The following ATPAF1 variants were observed in gnomAD, a reference collection of about 807,000 sequenced individuals.
The protein encoded by ATPAF1 is homolog of yeast ATP11.
Under a neutral mutation model 43.9 loss-of-function variants are expected in ATPAF1, and 26 were observed. The observed-to-expected ratio is 0.59, with a 90% CI of 0.43 to 0.82. The LOEUF (loss-of-function observed/expected upper bound fraction) is 0.82. Among genes scored for constraint, ATPAF1 ranks in the 40% least tolerant of loss-of-function variants. The pLI, the probability that ATPAF1 is intolerant of heterozygous loss-of-function variation, is 0.00. For missense variants in ATPAF1, 366 were observed against 435.0 expected, an observed-to-expected ratio of 0.84 and a Z score of 1.41; for synonymous variants, 157 against 168.0, an observed-to-expected ratio of 0.93 and a Z score of 0.50.
chr1:46,667,774 C>G (rs1676515691), intron 1 of ATPAF1, among the ~76,000 whole-genome samples: 1 of 152,232 alleles, frequency 6.6e-6, no homozygotes, highest in African/African-American at 2.4e-5. Flanking sequence ...ACAGGTGTCT[C>G]TGAGCTGCCT....
Position 46,668,161 on chromosome 1 carries a change from G to A in ATPAF1, c.162C>T (p.Gly54=). Residue 54 remains glycine (G), a synonymous_variant, in exon 1 of 9, where the codon GGC becomes GGT. Coordinates refer to ENST00000574428, the Ensembl canonical transcript of ATPAF1. The surrounding 1 kb of genome is among the most constrained non-coding windows in gnomAD (Gnocchi z 4.4). ...TGCTGTCGGCGCCCCCCTCGGGCCG[G>A]CCCGAGCCGGGGCGCACTGGGAAGA... 1 of 1,400,562 alleles carries A rather than the reference G, an allele frequency of 7.1e-7. No homozygotes were observed. The highest frequency in any genetic ancestry group is 9.3e-7 in the Non-Finnish European group (1 of 1,077,782). The allele number at this position is 1,400,562 out of a possible 1,614,324, so 86.8% of individuals were successfully genotyped here.
At chr1:46,660,742 C>T (rs1676372315) in intron 2 of ATPAF1, among the ~76,000 whole-genome samples, 1 of 152,118 alleles carries the variant, frequency 6.6e-6, no homozygotes, top group Non-Finnish European at 1.5e-5. Flanking sequence ...ACTATGGATG[C>T]TTTGGAAATC....
intron 8 of ATPAF1, among the ~76,000 whole-genome samples, chr1:46,640,443 C>A (rs796391652): frequency 6.6e-6 from 1 of 152,112 alleles, no homozygotes; most frequent in African/African-American, 2.4e-5. Context: ...AACCTCGTCT[C>A]TACTAAAAAT....
intron 8 of ATPAF1, among the ~76,000 whole-genome samples, chr1:46,637,293 T>A (rs540438206): frequency 6.6e-6 from 1 of 152,146 alleles, no homozygotes; most frequent in African/African-American, 2.4e-5. Flanking sequence ...GACAGGAGGA[T>A]TGCTTGAGAC....
At chr1:46,652,702 C>G (rs1195048111) in intron 5 of ATPAF1, 74 bp from the exon 6 acceptor site, 26 of 1,253,538 alleles carry the variant, frequency 2.1e-5, no homozygotes, top group Non-Finnish European at 2.6e-5. Context: ...TGTAATTCAC[C>G]AAGACTGAAT....
intron 6 of ATPAF1, among the ~76,000 whole-genome samples, chr1:46,649,868 G>A (rs2476156): frequency 0.14 from 21,320 of 152,060 alleles, 3,825 homozygotes; most frequent in East Asian, 0.4. Context: ...TGAGGCTGCA[G>A]TAAGCTATGA....
In ATPAF1 at chr1:46,668,031, C is replaced by A; in HGVS notation, c.266+26G>T. 1 of 1,340,876 alleles carries A rather than the reference C, an allele frequency of 7.5e-7. No homozygotes were observed. Among genetic ancestry groups the A allele is most frequent in the Non-Finnish European group, 9.5e-7 (1 of 1,049,016 alleles). The allele number at this position is 1,340,876 out of a possible 1,614,324, so 83.1% of individuals were successfully genotyped here. A position where few individuals can be genotyped will look rare whatever the true frequency, so the allele number is the denominator to read the frequency against. ...GCCGCCCCTCCTCCCGCCTCCTGCCCGCCTCCAGCCAACCCAGGCCCGCAC... is the reference window on the plus strand; with the variant it reads ...GCCGCCCCTCCTCCCGCCTCCTGCCAGCCTCCAGCCAACCCAGGCCCGCAC... On this transcript the variant is annotated intron_variant, in intron 1 of 8. Coordinates refer to ENST00000574428, the Ensembl canonical transcript of ATPAF1. This position sits in a 1 kb window ranked among gnomAD's most constrained non-coding sequence, Gnocchi z 4.4.
At chr1:46,661,899 T>C (rs989413984) in intron 2 of ATPAF1, among the ~76,000 whole-genome samples, 11 of 150,324 alleles carry the variant, frequency 7.3e-5, no homozygotes, top group Non-Finnish European at 1.6e-4. Flanking sequence ...ATTTCTTTCT[T>C]TTTTTTTTTT....
chr1:46,644,553 T>C (rs1676004404), intron 7 of ATPAF1, among the ~76,000 whole-genome samples: 1 of 142,866 alleles, frequency 7.0e-6, no homozygotes, highest in African/African-American at 2.5e-5. Flanking sequence ...AAAGCCAATA[T>C]AATTCGTGCT....
intron 2 of ATPAF1, among the ~76,000 whole-genome samples, chr1:46,663,114 A>C (rs1200591019): frequency 6.6e-6 from 1 of 152,188 alleles, no homozygotes; most frequent in African/African-American, 2.4e-5. Flanking sequence ...ACATGAACTC[A>C]TCATTTTTTA....
At position 46,665,377 on chromosome 1, in the gene ATPAF1, A is replaced by T. The variant is rs1228614885; in HGVS notation, c.267-13T>A. 1 of 1,613,332 alleles carries T rather than the reference A, an allele frequency of 6.2e-7. No individual in the cohort carries two copies. The highest frequency in any genetic ancestry group is 1.1e-5 in the South Asian group (1 of 91,006). On this transcript the variant is annotated splice_polypyrimidine_tract_variant and intron_variant, in intron 1 of 8. Transcript: ENST00000574428. Reference sequence around the variant, plus strand: ...AGCTGGGTCTGACCTGATCAGAGGTAAACCAAAGGGTAAACCAACTGGGCC... The same window carrying T: ...AGCTGGGTCTGACCTGATCAGAGGTTAACCAAAGGGTAAACCAACTGGGCC...
chr1:46,639,276 A>T (rs1294578769), intron 8 of ATPAF1, among the ~76,000 whole-genome samples: 1 of 151,500 alleles, frequency 6.6e-6, no homozygotes, highest in Non-Finnish European at 1.5e-5. Context: ...TCTTTACAAT[A>T]CTCCAAGTCA....
rs57111258 is a variant in ATPAF1, at chr1:46,639,235, T to TACACAC, written c.793-3271_793-3266dup. On this transcript the variant is annotated intron_variant, in intron 8 of 8. Transcript: ENST00000574428. Reference sequence around the variant, plus strand: ...CCACCAAACCTTACATATACACACATACACACACACACACACAAGTGATAC... The same window carrying TACACAC: ...CCACCAAACCTTACATATACACACATACACACACACACACACACACACAAGTGATAC... Among the ~76,000 whole-genome samples, 238 of 151,068 alleles carry TACACAC rather than the reference T, an allele frequency of 1.6e-3. 1 individual carries two copies. Among genetic ancestry groups the TACACAC allele is most frequent in the Middle Eastern group, 6.8e-3 (2 of 294 alleles).
chr1:46,662,035 C>T (rs1232210218), intron 2 of ATPAF1, among the ~76,000 whole-genome samples: 1 of 152,052 alleles, frequency 6.6e-6, no homozygotes, highest in African/African-American at 2.4e-5. Context: ...GCTGGGACTA[C>T]AGGCGCCTGC....
In ATPAF1 at chr1:46,657,049, G is replaced by C. The variant is rs77279021; in HGVS notation, c.489+1078C>G. Among the ~76,000 whole-genome samples, 14 of 152,308 alleles carry C rather than the reference G, an allele frequency of 9.2e-5. No individual in the cohort carries two copies. In the East Asian group the frequency reaches 2.5e-3, roughly 27 times the overall value. On this transcript the variant is annotated intron_variant, in intron 4 of 8. Transcript: ENST00000574428. ...TGGGAATATGATGCAGAGTCAAATA[G>C]ACATGGGTTTGAGTCCCAGCTCTAC...
In ATPAF1 at chr1:46,668,230, G is replaced by A. The variant is rs1676528032; in HGVS notation, c.93C>T (p.Ser31=). The stretch of plus-strand genomic sequence containing the variant: ...ACACGAGCCCCAGGCCCAGGGCGCG[G>A]CTGCGCACCGCGCACAGGCCCCGGT... The change falls in exon 1 of 9, where the codon AGC becomes AGT. Residue 31 remains serine (S), a synonymous_variant. Transcript: ENST00000574428. The surrounding 1 kb of genome is among the most constrained non-coding windows in gnomAD (Gnocchi z 4.4). The A allele has an allele frequency of 7.3e-7, 1 of 1,370,530 alleles. No individual in the cohort carries two copies. The highest frequency in any genetic ancestry group is 9.4e-7 in the Non-Finnish European group (1 of 1,060,770). 84.9% of individuals were successfully genotyped at this position (1,370,530 alleles called of 1,614,324 possible).
At chr1:46,641,384 GGACCTTTCC>G (rs1557925978) in intron 8 of ATPAF1, among the ~76,000 whole-genome samples, 1 of 151,968 alleles carries the variant, frequency 6.6e-6, no homozygotes, top group African/African-American at 2.4e-5. Flanking sequence ...AGCCTCAACT[GGACCTTTCC>G]CATCAGCATA....
chr1:46,662,060 A>C (rs969832946), intron 2 of ATPAF1, among the ~76,000 whole-genome samples: 1 of 151,634 alleles, frequency 6.6e-6, no homozygotes, highest in Non-Finnish European at 1.5e-5. Context: ...ACGCCCGGCT[A>C]ATTTTTTGTA....
intron 7 of ATPAF1, 92 bp from the exon 8 acceptor site, chr1:46,643,393 C>G (rs1320109256): frequency 3.0e-6 from 3 of 988,102 alleles, no homozygotes; most frequent in African/African-American, 1.6e-5. Flanking sequence ...GAAATTCTGG[C>G]TCTTAACAGC....
Sources: gnomAD v4.1 joint callset for allele counts (sites outside exome capture counted in the v4.1 genomes callset) on GRCh38, gnomAD v4.1.1 for gene constraint, Gnocchi (gnomAD v3.1) non-coding constraint, MANE v1.5 for transcripts, NCBI Gene and HGNC (gene_info 2026-07-23, HGNC 2026-07-21) for gene names.